Variants in CDC20 observed in about 807,000 individuals in gnomAD.
CDC20 encodes cell division cycle 20, also known as cell division cycle protein 20 homolog.
A neutral mutation model predicts 60.0 loss-of-function variants in CDC20; 34 were observed. That is an observed-to-expected ratio of 0.57 (90% CI 0.43 to 0.75). CDC20 has a LOEUF of 0.75. CDC20 is among the 30% of genes least tolerant of loss of function. CDC20 has a pLI of 0.00. For synonymous variants in CDC20, 198 were observed against 243.5 expected (o/e 0.81, Z 1.74); for missense variants, 469 against 647.3 (o/e 0.72, Z 2.99).
At position 43,359,199 on chromosome 1, in the gene CDC20, C is replaced by A; in HGVS notation, c.-17C>A. 1 of 1,611,456 alleles carries A rather than the reference C, an allele frequency of 6.2e-7. No homozygotes were observed. Among genetic ancestry groups the A allele is most frequent in the African/African-American group, 1.3e-5 (1 of 74,994 alleles). On this transcript the variant is annotated 5_prime_UTR_variant, in exon 2 of 11. Transcript: ENST00000310955. The stretch of plus-strand genomic sequence containing the variant: ...TAGGCACCAACTGCAAGGACCCCTC[C>A]CCCTGCGGGCGCTCCCATGGCACAG...
chr1:43,362,973 T>A lies in CDC20; in HGVS notation c.1344T>A (p.Ser448Arg). Residue 448 changes from serine (S) to arginine (R), a missense_variant, in exon 11 of 11, where the codon AGT becomes AGA. By Grantham distance (110) the Ser-to-Arg change is moderately radical. This residue lies in a region of CDC20 where 72 missense variants were observed against 77.9 expected (regional missense o/e 0.92). Transcript: ENST00000310955. The part of the protein sequence containing the change: ...ELKGHTSRVL[S>R]LTMSPDGATV... ...CAGGTCACACATCCCGGGTCCTGAG[T>A]CTGACCATGAGCCCAGATGGGGCCA... 6.2e-7 allele frequency: 1 copy of A among 1,601,388 alleles called. No individual in the cohort carries two copies. Among genetic ancestry groups the A allele is most frequent in the Non-Finnish European group, 8.5e-7 (1 of 1,176,384 alleles).
At chr1:43,359,847 G>A (rs751924372) in intron 4 of CDC20, 26 bp downstream of exon 4, 4 of 1,611,994 alleles carry the variant, frequency 2.5e-6, no homozygotes, top group Non-Finnish European at 3.4e-6. Flanking sequence ...CCTGGTTCCT[G>A]GAGGGAGGTG....
At chr1:43,362,866 A>C (rs540615937) in intron 10 of CDC20, 85 bp from the exon 11 acceptor site, 30 of 1,050,718 alleles carry the variant, frequency 2.9e-5, no homozygotes, top group East Asian at 7.9e-5. Context: ...CTCAAAAAAA[A>C]CAAAAAGGTA....
chr1:43,359,005 C>A lies in CDC20; in HGVS notation c.-51C>A, dbSNP rs1480162106. ...CCGGTCGGAACTGCTCCGGAGGGCA[C>A]GGTGAGAGGTGGTGGGGCTGAGCCG... On this transcript the variant is annotated splice_region_variant and 5_prime_UTR_variant, in exon 1 of 11. Coordinates refer to ENST00000310955, the MANE Select transcript of CDC20 (RefSeq NM_001255.3). 14 of 606,436 alleles carry A rather than the reference C, an allele frequency of 2.3e-5. No individual in the cohort carries two copies. Among genetic ancestry groups the A allele is most frequent in the African/African-American group, 3.7e-5 (2 of 53,812 alleles). 37.6% of individuals were successfully genotyped at this position (606,436 alleles called of 1,614,324 possible).
Position 43,361,253 on chromosome 1 carries a change from T to G in CDC20, c.1203+8T>G, listed in dbSNP as rs747889924. The G allele has an allele frequency of 2.6e-5, 42 of 1,588,654 alleles. No homozygotes were observed. The highest frequency in any genetic ancestry group is 3.5e-5 in the Non-Finnish European group (41 of 1,166,962). ...GTGGATGCCCATTCCCAGGTAATCTTTTGCCTGTTCCTGCCTCTCCCACAT... is the reference window on the plus strand; with the variant it reads ...GTGGATGCCCATTCCCAGGTAATCTGTTGCCTGTTCCTGCCTCTCCCACAT... On this transcript the variant is annotated splice_region_variant and intron_variant, in intron 9 of 10. Coordinates refer to ENST00000310955, the MANE Select transcript of CDC20 (RefSeq NM_001255.3).
In CDC20 at chr1:43,361,128, A is replaced by G. The variant is rs531794887; in HGVS notation, c.1086A>G (p.Ala362=). The G allele has an allele frequency of 1.2e-6, 2 of 1,614,000 alleles. No homozygotes were observed. Among genetic ancestry groups the G allele is most frequent in the Admixed American group, 3.3e-5 (2 of 60,010 alleles). The change falls in exon 9 of 11, where the codon GCA becomes GCG. Residue 362 remains alanine (A), a synonymous_variant. Coordinates refer to ENST00000310955, the MANE Select transcript of CDC20 (RefSeq NM_001255.3). The part of the protein sequence containing the change: ...TQHQGAVKAV[A]WCPWQSNVLA... ...ACCTTTATTCCATCTAGGCCGTAGC[A>G]TGGTGTCCCTGGCAGTCCAATGTCC...
Position 43,360,233 on chromosome 1 carries a change from C to A in CDC20, c.597C>A (p.Ala199=), listed in dbSNP as rs756975924. Residue 199 remains alanine (A), a synonymous_variant, in exon 6 of 11, where the codon GCC becomes GCA. Coordinates refer to ENST00000310955, the MANE Select transcript of CDC20 (RefSeq NM_001255.3). The part of the protein sequence containing the change: ...LVDWSSGNVL[A]VALDNSVYLW... ...ATTGGAGTTCTGGGAATGTACTGGC[C>A]GTGGCACTGGACAACAGTGTGTACC... is the stretch of plus-strand genomic sequence containing the variant. The A allele has an allele frequency of 1.9e-6, 3 of 1,614,178 alleles. No homozygotes were observed. Among genetic ancestry groups the A allele is most frequent in the East Asian group, 4.5e-5 (2 of 44,890 alleles).
Position 43,361,255 on chromosome 1 carries a change from T to C in CDC20, c.1203+10T>C. On this transcript the variant is annotated intron_variant, in intron 9 of 10. Transcript: ENST00000310955. ...GGATGCCCATTCCCAGGTAATCTTT[T>C]GCCTGTTCCTGCCTCTCCCACATGC... is the stretch of plus-strand genomic sequence containing the variant. 1 of 1,572,424 alleles carries C rather than the reference T, an allele frequency of 6.4e-7. No individual in the cohort carries two copies. Among genetic ancestry groups the C allele is most frequent in the Non-Finnish European group, 8.6e-7 (1 of 1,158,742 alleles).
Position 43,361,166 on chromosome 1 carries a change from G to C in CDC20, c.1124G>C (p.Gly375Ala), listed in dbSNP as rs11555249. ...PWQSNVLATG[G>A]GTSDRHIRIW... ...CAGTCCAATGTCCTGGCAACAGGAG[G>C]GGGCACCAGTGATCGACACATTCGC... Residue 375 changes from glycine (G) to alanine (A), a missense_variant, in exon 9 of 11, where the codon GGG (glycine) becomes GCG (alanine). Coordinates refer to ENST00000310955, the MANE Select transcript of CDC20 (RefSeq NM_001255.3). 1 of 1,614,006 alleles carries C rather than the reference G, an allele frequency of 6.2e-7. No individual in the cohort carries two copies. The highest frequency in any genetic ancestry group is 1.1e-5 in the South Asian group (1 of 91,068).
At chr1:43,362,866 A>AG (rs1438718326) in intron 10 of CDC20, 85 bp from the exon 11 acceptor site, 1 of 1,050,600 alleles carries the variant, frequency 9.5e-7, no homozygotes, top group Non-Finnish European at 1.4e-6. Context: ...CTCAAAAAAA[A>AG]CAAAAAGGTA....
In CDC20 at chr1:43,360,023, G is replaced by A. The variant is rs755057851; in HGVS notation, c.482G>A (p.Ser161Asn). The A allele has an allele frequency of 3.1e-6, 5 of 1,614,056 alleles. No homozygotes were observed. Among genetic ancestry groups the A allele is most frequent in the Non-Finnish European group, 4.2e-6 (5 of 1,180,036 alleles). Residue 161 changes from serine (S) to asparagine (N), a missense_variant, in exon 5 of 11, where the codon AGC becomes AAC. Physicochemically the swap from Ser to Asn is conservative, Grantham distance 46. Around this residue, in one of 5 missense-constraint regions of CDC20, gnomAD observed 255 missense variants for 326.7 expected, o/e 0.78. Transcript: ENST00000310955. Reference protein sequence around the residue: ...LYSQKATPGSSRKTCRYIPSL... With the variant: ...LYSQKATPGSNRKTCRYIPSL... ...AGCCAAAAGGCCACTCCTGGCTCCA[G>A]CCGGAAGACCTGCCGTTACATTCCT...
At chr1:43,359,896 C>T in intron 4 of CDC20, 73 bp from the exon 5 acceptor site, 1 of 1,610,122 alleles carries the variant, frequency 6.2e-7, no homozygotes, top group South Asian at 1.1e-5. Context: ...TATCTGTCTC[C>T]TCTTCCTATC....
intron 10 of CDC20, 121 bp downstream of exon 10, chr1:43,362,433 T>G (rs762083598): frequency 1.6e-6 from 1 of 615,476 alleles, no homozygotes; most frequent in African/African-American, 1.9e-5. Context: ...GAGAGGGTAA[T>G]GGGAAATGTT....
chr1:43,360,441 G>A, intron 6 of CDC20, 52 bp downstream of exon 6: 1 of 1,608,864 alleles, frequency 6.2e-7, no homozygotes, highest in Non-Finnish European at 8.5e-7. Flanking sequence ...GGCTTGCACA[G>A]CTGGAGGATA....
chr1:43,359,579 G>C lies in CDC20; in HGVS notation c.271G>C (p.Ala91Pro). The change falls in exon 3 of 11, where the codon GCC becomes CCC. Residue 91 changes from alanine to proline, a missense_variant. Physicochemically the swap from Ala to Pro is conservative, Grantham distance 27. Transcript: ENST00000310955. ...PHRSAAQMEV[A>P]SFLLSKENQP... ...TCGCAGTGCTGCCCAGATGGAGGTG[G>C]CCAGCTTCCTCCTGAGCAAGGAGAA... 6.2e-7 allele frequency: 1 copy of C among 1,613,940 alleles called. No homozygotes were observed. The highest frequency in any genetic ancestry group is 8.5e-7 in the Non-Finnish European group (1 of 1,180,038).
intron 7 of CDC20, 59 bp from the exon 8 acceptor site, chr1:43,360,674 T>C (rs1367862615): frequency 1.3e-6 from 2 of 1,579,538 alleles, no homozygotes; most frequent in East Asian, 4.5e-5. Context: ...CTGAACCAGC[T>C]CTGGCTTGCT....
At chr1:43,359,098 T>G in intron 1 of CDC20, 69 bp from the exon 2 acceptor site, 2 of 1,078,832 alleles carry the variant, frequency 1.9e-6, no homozygotes, top group Non-Finnish European at 2.8e-6. Context: ...GTGGCCCTGA[T>G]TTTGTGGCCG....
In CDC20 at chr1:43,359,387, C is replaced by G. The variant is rs766099037; in HGVS notation, c.172C>G (p.Arg58Gly). 2.5e-5 allele frequency: 40 copies of G among 1,612,714 alleles called. No homozygotes were observed. The highest frequency in any genetic ancestry group is 3.3e-5 in the Non-Finnish European group (39 of 1,179,516). Residue 58 changes from arginine to glycine, a missense_variant, in exon 2 of 11, where the codon CGA (arginine) becomes GGA (glycine). By Grantham distance (125) the Arg-to-Gly change is moderately radical. Coordinates refer to ENST00000310955, the MANE Select transcript of CDC20 (RefSeq NM_001255.3). ...RSHSAGRTPG[R>G]TPGKSSSKVQ... is the part of the protein sequence containing the mutation. ...CCACAGCGCCGGCAGGACTCCGGGCCGAACTCCTGGTCAGTGAGGTGCCAA... is the reference window on the plus strand; with the variant it reads ...CCACAGCGCCGGCAGGACTCCGGGCGGAACTCCTGGTCAGTGAGGTGCCAA...
rs752794876 is a variant in CDC20, at chr1:43,360,200, C to G, written c.564C>G (p.Asn188Lys). ...TCTCTCCACCTCTGACAGACCTGAACCTTGTGGATTGGAGTTCTGGGAATG... is the reference window on the plus strand; with the variant it reads ...TCTCTCCACCTCTGACAGACCTGAAGCTTGTGGATTGGAGTTCTGGGAATG... ...APEIRNDYYL[N>K]LVDWSSGNVL... The change falls in exon 6 of 11, where the codon AAC (asparagine) becomes AAG (lysine). Residue 188 changes from asparagine (N) to lysine (K), a missense_variant. By Grantham distance (94) the Asn-to-Lys change is moderately conservative. Around this residue, in one of 5 missense-constraint regions of CDC20, gnomAD observed 255 missense variants for 326.7 expected, o/e 0.78. Transcript: ENST00000310955. 5.6e-6 allele frequency: 9 copies of G among 1,614,018 alleles called. No homozygotes were observed. The African/African-American group carries it at 1.2e-4, about 22-fold the overall frequency.
Sources: gnomAD v4.1 joint callset for allele counts on GRCh38, gnomAD v4.1.1 for gene constraint, gnomAD v4.1.1 regional missense constraint, MANE v1.5 for transcripts, NCBI Gene and HGNC (gene_info 2026-07-23, HGNC 2026-07-21) for gene names.